The following MPHOSPH10 variants were observed in gnomAD, a reference collection of about 807,000 sequenced individuals.
MPHOSPH10 encodes the protein U3 small nucleolar ribonucleoprotein MPP10.
A neutral mutation model predicts 77.3 loss-of-function variants in MPHOSPH10; 33 were observed. That is an observed-to-expected ratio of 0.43 (90% CI 0.32 to 0.57). The LOEUF (loss-of-function observed/expected upper bound fraction) is 0.57. Among genes scored for constraint, MPHOSPH10 ranks in the 20% least tolerant of loss-of-function variants. MPHOSPH10 has a pLI of 0.07. For synonymous variants in MPHOSPH10, 245 were observed against 268.0 expected (o/e 0.91, Z 0.84); for missense variants, 708 against 780.1 (o/e 0.91, Z 1.10).
At chr2:71,140,432 C>T (rs1470492571) in intron 6 of MPHOSPH10, among the ~76,000 whole-genome samples, 1 of 152,092 alleles carries the variant, frequency 6.6e-6, no homozygotes. Flanking sequence ...CCACCATTCC[C>T]CCACTGATGA....
At chr2:71,138,403 T>C in intron 4 of MPHOSPH10, 87 bp from the exon 5 acceptor site, 1 of 1,091,598 alleles carries the variant, frequency 9.2e-7, no homozygotes, top group South Asian at 1.8e-5. Context: ...TTTCTTGCTT[T>C]CCCACTTTTT....
intron 4 of MPHOSPH10, among the ~76,000 whole-genome samples, chr2:71,136,546 A>T (rs890978926): frequency 4.7e-5 from 7 of 149,872 alleles, no homozygotes; most frequent in Non-Finnish European, 8.9e-5. Flanking sequence ...GAACAGGCAG[A>T]GAATGAAAGA....
chr2:71,134,780 G>GA lies in MPHOSPH10; in HGVS notation c.1087dup (p.Arg363LysfsTer7). On this transcript the variant is annotated frameshift_variant, in exon 4 of 11. Coordinates refer to ENST00000244230, the MANE Select transcript of MPHOSPH10 (RefSeq NM_005791.3). LOFTEE classifies it high-confidence loss of function. Reference sequence around the variant, plus strand: ...TTCTGATGAAGTTAAATCCTCCTTTGAAAAAAGACAGGAAAAGGTAATTAG... The same window carrying GA: ...TTCTGATGAAGTTAAATCCTCCTTTGAAAAAAAGACAGGAAAAGGTAATTAG... The GA allele has an allele frequency of 6.3e-7, 1 of 1,580,350 alleles. No homozygotes were observed. The highest frequency in any genetic ancestry group is 8.6e-7 in the Non-Finnish European group (1 of 1,164,624).
chr2:71,150,086 A>T lies in MPHOSPH10; in HGVS notation c.*71A>T. The T allele has an allele frequency of 1.1e-6, 1 of 907,484 alleles. No individual in the cohort carries two copies. The highest frequency in any genetic ancestry group is 1.5e-6 in the Non-Finnish European group (1 of 649,040). 56.2% of individuals were successfully genotyped at this position (907,484 alleles called of 1,614,324 possible). ...TGTCATTGTTCTGTTTTATAATAAA[A>T]TTCTTGAGAACCTTCCTTTGCATCG... On this transcript the variant is annotated 3_prime_UTR_variant, in exon 11 of 11. Coordinates refer to ENST00000244230, the MANE Select transcript of MPHOSPH10 (RefSeq NM_005791.3).
rs755364466 is a variant in MPHOSPH10, at chr2:71,133,002, A to G, written c.194A>G (p.Lys65Arg). ...NGRIHGSPLQKLVIENFDDEQ... is the reference protein window; with the variant it reads ...NGRIHGSPLQRLVIENFDDEQ... ...AGGATCCATGGAAGCCCCTTGCAAA[A>G]ACTTGTGATAGAAAATTTTGATGAT... The change falls in exon 2 of 11, where the codon AAA (lysine) becomes AGA (arginine). Residue 65 changes from lysine to arginine, a missense_variant. Lys to Arg is a conservative substitution (Grantham distance 26). Around this residue, in one of 3 missense-constraint regions of MPHOSPH10, gnomAD observed 433 missense variants for 432.6 expected, o/e 1.00. Transcript: ENST00000244230. The G allele has an allele frequency of 5.0e-6, 8 of 1,614,032 alleles. No homozygotes were observed. The South Asian group carries it at 7.7e-5, about 16-fold the overall frequency.
rs13010513 is a variant in MPHOSPH10, at chr2:71,133,152, G to A, written c.344G>A (p.Arg115His). ...CTCCCAGAGAGTGAAGAACAGGAAC[G>A]TGAAGAGGATGGTTCAGAGATAGAG... is the stretch of plus-strand genomic sequence containing the variant. ...SLLPESEEQE[R>H]EEDGSEIEAD... is the part of the protein sequence containing the mutation. Residue 115 changes from arginine (R) to histidine (H), a missense_variant, in exon 2 of 11, where the codon CGT (arginine) becomes CAT (histidine). This residue lies in a region of MPHOSPH10 where 433 missense variants were observed against 432.6 expected (regional missense o/e 1.00). Coordinates refer to ENST00000244230, the MANE Select transcript of MPHOSPH10 (RefSeq NM_005791.3). 0.17 allele frequency: 276,524 copies of A among 1,613,912 alleles called. 24,482 individuals carry two copies. Among genetic ancestry groups the A allele is most frequent in the East Asian group, 0.21 (9,639 of 44,864 alleles).
chr2:71,137,921 G>T (rs1225928442), intron 4 of MPHOSPH10, among the ~76,000 whole-genome samples: 2 of 151,974 alleles, frequency 1.3e-5, no homozygotes, highest in Admixed American at 1.3e-4. Flanking sequence ...GTGAAACCCC[G>T]TCTCTACTAA....
chr2:71,139,749 G>A (rs1673575703), intron 5 of MPHOSPH10, 46 bp from the exon 6 acceptor site: 1 of 1,369,324 alleles, frequency 7.3e-7, no homozygotes, highest in African/African-American at 1.4e-5. Flanking sequence ...TGAATCAATG[G>A]TCTAGTGGAT....
chr2:71,136,434 G>C (rs1462418875), intron 4 of MPHOSPH10, among the ~76,000 whole-genome samples: 2 of 151,966 alleles, frequency 1.3e-5, no homozygotes, highest in Non-Finnish European at 2.9e-5. Flanking sequence ...AGGATCTCTT[G>C]AGTCCAGGAG....
chr2:71,138,484 T>C lies in MPHOSPH10; in HGVS notation c.1099-6T>C, dbSNP rs1673540264. 2 of 1,566,188 alleles carry C rather than the reference T, an allele frequency of 1.3e-6. No homozygotes were observed. Among genetic ancestry groups the C allele is most frequent in the East Asian group, 4.5e-5 (2 of 44,296 alleles). On this transcript the variant is annotated splice_polypyrimidine_tract_variant and splice_region_variant and intron_variant, in intron 4 of 10. Transcript: ENST00000244230. ...ATGTATACTAGTTATTTTATCTCTT[T>C]CTTAGATGAATGAAAAAATTGCATC...
chr2:71,146,299 C>T (rs1423859102), intron 8 of MPHOSPH10, among the ~76,000 whole-genome samples: 1 of 149,876 alleles, frequency 6.7e-6, no homozygotes, highest in Admixed American at 6.6e-5. Context: ...TCTCTGTAGA[C>T]TCCATTTACT....
At position 71,133,977 on chromosome 2, in the gene MPHOSPH10, C is replaced by T; in HGVS notation, c.798C>T (p.Tyr266=). 1.3e-6 allele frequency: 2 copies of T among 1,578,722 alleles called. No homozygotes were observed. Among genetic ancestry groups the T allele is most frequent in the Non-Finnish European group, 1.7e-6 (2 of 1,162,298 alleles). Residue 266 remains tyrosine, a synonymous_variant, in exon 3 of 11, where the codon TAC becomes TAT. Transcript: ENST00000244230. ...GTAAAAGTTCCAGAAATCTGAAATA[C>T]AAAGATTTTTTTGATCCAGTTGAAA... is the stretch of plus-strand genomic sequence containing the variant. ...KSGKSSRNLK[Y]KDFFDPVESD...
chr2:71,135,769 C>T (rs1487767573), intron 4 of MPHOSPH10, among the ~76,000 whole-genome samples: 17 of 143,262 alleles, frequency 1.2e-4, no homozygotes, highest in Admixed American at 2.2e-4. Flanking sequence ...GTGGCGTGAT[C>T]TTAGCTCACT....
At position 71,149,990 on chromosome 2, in the gene MPHOSPH10, T is replaced by C. The variant is rs1200960663; in HGVS notation, c.2021T>C (p.Ile674Thr). The C allele has an allele frequency of 3.5e-6, 5 of 1,410,582 alleles. No homozygotes were observed. Among genetic ancestry groups the C allele is most frequent in the Non-Finnish European group, 4.8e-6 (5 of 1,031,638 alleles). 87.4% of individuals were successfully genotyped at this position (1,410,582 alleles called of 1,614,324 possible). A position where few individuals can be genotyped will look rare whatever the true frequency, so the allele number is the denominator to read the frequency against. The change falls in exon 11 of 11, where the codon ATT becomes ACT. Residue 674 changes from isoleucine (I) to threonine (T), a missense_variant. By Grantham distance (89) the Ile-to-Thr change is moderately conservative (BLOSUM62 -1). Transcript: ENST00000244230. ...AAGAAAAAGAAGAAAAGACAGGATATTTCTGTTCATAAATTAAAGCTGTAA... is the reference window on the plus strand; with the variant it reads ...AAGAAAAAGAAGAAAAGACAGGATACTTCTGTTCATAAATTAAAGCTGTAA... Reference protein sequence around the residue: ...TEKKKKKRQDISVHKLKL With the variant: ...TEKKKKKRQDTSVHKLKL
In MPHOSPH10 at chr2:71,133,962, C is replaced by G. The variant is rs1207553555; in HGVS notation, c.783C>G (p.Ser261=). ...TTTTATTTTAGTCAGGTAAAAGTTCCAGAAATCTGAAATACAAAGATTTTT... is the reference window on the plus strand; with the variant it reads ...TTTTATTTTAGTCAGGTAAAAGTTCGAGAAATCTGAAATACAAAGATTTTT... The part of the protein sequence containing the change: ...GSKKLKSGKS[S]RNLKYKDFFD... Residue 261 remains serine (S), a synonymous_variant, in exon 3 of 11, where the codon TCC becomes TCG. Coordinates refer to ENST00000244230, the MANE Select transcript of MPHOSPH10 (RefSeq NM_005791.3). 1.3e-6 allele frequency: 2 copies of G among 1,562,502 alleles called. No homozygotes were observed. The highest frequency in any genetic ancestry group is 2.7e-5 in the African/African-American group (2 of 72,768).
chr2:71,142,000 C>A (rs1012003366), intron 7 of MPHOSPH10, among the ~76,000 whole-genome samples: 1 of 151,856 alleles, frequency 6.6e-6, no homozygotes. Context: ...CCACTGCTCT[C>A]CAGCCTGGGC....
intron 8 of MPHOSPH10, among the ~76,000 whole-genome samples, chr2:71,146,334 C>T (rs1365860331): frequency 7.5e-5 from 8 of 107,304 alleles, no homozygotes; most frequent in Admixed American, 1.2e-4. Context: ...TTTTTTGTGG[C>T]TTTTTTTTTT....
chr2:71,133,772 A>G (rs1673433365), intron 2 of MPHOSPH10, among the ~76,000 whole-genome samples, 176 bp from the exon 3 acceptor site: 2 of 152,182 alleles, frequency 1.3e-5, no homozygotes, highest in South Asian at 4.1e-4. Context: ...TAGTGTTATT[A>G]GTTGCCATTT....
At position 71,130,754 on chromosome 2, in the gene MPHOSPH10, C is replaced by A. The variant is rs80028181; in HGVS notation, c.89C>A (p.Thr30Lys). Residue 30 changes from threonine to lysine, a missense_variant and splice_region_variant, in exon 1 of 11, where the codon ACG becomes AAG. By Grantham distance (78) the Thr-to-Lys change is moderately conservative. Around this residue, in one of 3 missense-constraint regions of MPHOSPH10, gnomAD observed 433 missense variants for 432.6 expected, o/e 1.00. Coordinates refer to ENST00000244230, the MANE Select transcript of MPHOSPH10 (RefSeq NM_005791.3). ...ACGGGTCGGCCCGAGTGCTTCCTCA[C>A]GTAAGTGCGCAGATCCCGGGCTCGG... ...KATGRPECFL[T>K]IQEGLASKFT... is the part of the protein sequence containing the mutation. 1,398 of 1,605,066 alleles carry A rather than the reference C, an allele frequency of 8.7e-4. 18 individuals are homozygous for A. The East Asian group carries it at 0.021, about 24-fold the overall frequency.
Sources: gnomAD v4.1 joint callset for allele counts (sites outside exome capture counted in the v4.1 genomes callset) on GRCh38, gnomAD v4.1.1 for gene constraint, gnomAD v4.1.1 regional missense constraint, MANE v1.5 for transcripts, NCBI Gene and HGNC (gene_info 2026-07-23, HGNC 2026-07-21) for gene names.